Variants in CDH13 observed in about 807,000 individuals in gnomAD.
CDH13 encodes cadherin-13.
CDH13 carries 24 observed loss-of-function variants against 63.8 expected under a neutral mutation model. That is an observed-to-expected ratio of 0.38 (90% confidence interval 0.27 to 0.53). The LOEUF (loss-of-function observed/expected upper bound fraction) is 0.53. Among genes scored for constraint, CDH13 ranks in the 20% least tolerant of loss-of-function variants. The pLI, the probability that CDH13 is intolerant of heterozygous loss-of-function variation, is 0.85. For missense variants in CDH13, 1,049 were observed against 903.1 expected (o/e 1.16, Z -2.07); for synonymous variants, 503 against 355.3 (o/e 1.42, Z -4.67).
intron 2 of CDH13, among the ~76,000 whole-genome samples, chr16:83,018,208 C>T (rs557086723): frequency 3.3e-5 from 5 of 152,174 alleles, no homozygotes; most frequent in Admixed American, 1.3e-4. Flanking sequence ...GTTGAAATAT[C>T]GGATTATGGG....
intron 1 of CDH13, among the ~76,000 whole-genome samples, chr16:82,677,287 C>G (rs768058763): frequency 6.6e-6 from 1 of 152,224 alleles, no homozygotes; most frequent in Admixed American, 6.5e-5. Flanking sequence ...AACATCACCC[C>G]TCAGTCTAGA....
At chr16:83,421,549 G>T (rs2071714202) in intron 6 of CDH13, among the ~76,000 whole-genome samples, 3 of 152,220 alleles carry the variant, frequency 2.0e-5, no homozygotes, top group South Asian at 4.1e-4. Flanking sequence ...GAAATGAGAT[G>T]AGAGTGGGCA....
At chr16:82,993,009 A>C (rs1266308862) in intron 2 of CDH13, among the ~76,000 whole-genome samples, 1 of 152,196 alleles carries the variant, frequency 6.6e-6, no homozygotes, top group Non-Finnish European at 1.5e-5. Context: ...AGTCTTCCTT[A>C]AACAGGGCTT....
intron 2 of CDH13, among the ~76,000 whole-genome samples, chr16:82,968,791 C>A (rs557488088): frequency 5.9e-5 from 9 of 152,168 alleles, no homozygotes; most frequent in Non-Finnish European, 1.3e-4. Flanking sequence ...AGGCTGTGAG[C>A]CTTTCACAAA....
intron 6 of CDH13, among the ~76,000 whole-genome samples, chr16:83,372,769 A>G (rs1567624926): frequency 1.3e-5 from 2 of 151,592 alleles, no homozygotes; most frequent in African/African-American, 2.4e-5. Flanking sequence ...AAAAAAAAAA[A>G]AAAAGACAAT....
Position 83,141,217 on chromosome 16 carries a change from C to G in CDH13, c.483+15716C>G, listed in dbSNP as rs79242678. ...AATACCTCACTTGATAGATAAGACA[C>G]AAAATGATTTTTCTGGGATCACAAG... On this transcript the variant is annotated intron_variant, in intron 4 of 13. Coordinates refer to ENST00000567109, the MANE Select transcript of CDH13 (RefSeq NM_001257.5). Among the ~76,000 whole-genome samples the G allele has an allele frequency of 7.8e-3, 1,186 of 152,278 alleles. 9 individuals are homozygous for G. The highest frequency in any genetic ancestry group is 0.014 in the Middle Eastern group (4 of 294).
chr16:83,189,709 C>T (rs146046096), intron 4 of CDH13, among the ~76,000 whole-genome samples: 1 of 152,294 alleles, frequency 6.6e-6, no homozygotes, highest in East Asian at 1.9e-4. Context: ...CTGCATCCTT[C>T]TAGCACTGTG....
At chr16:82,897,650 A>C (rs1038815351) in intron 2 of CDH13, among the ~76,000 whole-genome samples, 1 of 152,250 alleles carries the variant, frequency 6.6e-6, no homozygotes, top group Admixed American at 6.5e-5. Context: ...TCTGAAGTTG[A>C]CACTTAAAGC....
rs185437224 is a variant in CDH13, at chr16:83,264,138, T to C, written c.636+46641T>C. On this transcript the variant is annotated intron_variant, in intron 5 of 13. Coordinates refer to ENST00000567109, the MANE Select transcript of CDH13 (RefSeq NM_001257.5). ...AGGCAACTGAAGTGAATCAGAGTTA[T>C]AGATAGCAGACATAGGGTATAAATT... Among the ~76,000 whole-genome samples the C allele has an allele frequency of 7.4e-4, 112 of 152,356 alleles. 1 individual carries two copies. Among genetic ancestry groups the C allele is most frequent in the African/African-American group, 2.5e-3 (104 of 41,584 alleles).
chr16:83,377,240 A>G (rs1345112351), intron 6 of CDH13, among the ~76,000 whole-genome samples: 3 of 152,156 alleles, frequency 2.0e-5, no homozygotes, highest in Non-Finnish European at 2.9e-5. Context: ...CATAAAAAGG[A>G]GGGAGGGGTT....
At chr16:82,979,915 T>C (rs923417772) in intron 2 of CDH13, among the ~76,000 whole-genome samples, 1 of 152,218 alleles carries the variant, frequency 6.6e-6, no homozygotes, top group African/African-American at 2.4e-5. Context: ...CTAGCATTGT[T>C]TGGGGCCACT....
At chr16:82,861,493 G>T (rs11649288) in intron 2 of CDH13, among the ~76,000 whole-genome samples, 7,236 of 152,158 alleles carry the variant, frequency 0.048, 300 homozygotes, top group Admixed American at 0.15. Context: ...CTTTTAGCAG[G>T]TTATGGGGAA....
intron 2 of CDH13, among the ~76,000 whole-genome samples, chr16:83,025,257 G>C (rs1448826888): frequency 6.6e-6 from 1 of 152,138 alleles, no homozygotes; most frequent in African/African-American, 2.4e-5. Flanking sequence ...TAAAGATGTC[G>C]AGGATTAAAG....
chr16:82,753,544 T>A (rs893860987), intron 1 of CDH13, among the ~76,000 whole-genome samples: 11 of 152,268 alleles, frequency 7.2e-5, no homozygotes, highest in African/African-American at 2.6e-4. Flanking sequence ...TGGCCCACCA[T>A]CACCTTAAAT....
intron 4 of CDH13, among the ~76,000 whole-genome samples, chr16:83,169,814 T>A (rs936797723): frequency 6.6e-6 from 1 of 152,142 alleles, no homozygotes; most frequent in Non-Finnish European, 1.5e-5. Flanking sequence ...TTTTTCCTTA[T>A]GCGTATTCTC....
At chr16:83,346,565 C>T (rs773138401) in intron 6 of CDH13, among the ~76,000 whole-genome samples, 3 of 152,096 alleles carry the variant, frequency 2.0e-5, no homozygotes, top group Non-Finnish European at 2.9e-5. Context: ...TGCTTACATT[C>T]GGGATGGCTG....
chr16:82,875,436 C>G (rs925657182), intron 2 of CDH13, among the ~76,000 whole-genome samples: 1 of 152,130 alleles, frequency 6.6e-6, no homozygotes, highest in Non-Finnish European at 1.5e-5. Context: ...CAGGTTCATC[C>G]AAAGACCTGA....
intron 6 of CDH13, among the ~76,000 whole-genome samples, chr16:83,352,014 C>T (rs1289412362): frequency 6.6e-6 from 1 of 152,144 alleles, no homozygotes; most frequent in Non-Finnish European, 1.5e-5. Flanking sequence ...GTGGTGGAGG[C>T]AGAGGAATGC....
intron 11 of CDH13, among the ~76,000 whole-genome samples, chr16:83,760,061 A>G (rs569911567): frequency 6.0e-4 from 91 of 152,350 alleles, no homozygotes; most frequent in African/African-American, 2.1e-3. Flanking sequence ...TAACAAATGT[A>G]TGAAAAGATG....
Sources: allele counts gnomAD v4.1 joint callset (sites outside exome capture counted in the v4.1 genomes callset), GRCh38; gene constraint gnomAD v4.1.1; transcripts MANE v1.5; gene names NCBI Gene and HGNC (gene_info 2026-07-23, HGNC 2026-07-21).